Variants in RBFOX1 observed in about 807,000 individuals in gnomAD.
The protein encoded by RBFOX1 is RNA binding fox-1 homolog 1.
In RBFOX1, 8 loss-of-function variants were observed where a neutral mutation model predicts 57.7. The observed-to-expected ratio is 0.14, with a 90% CI of 0.08 to 0.25. The LOEUF (loss-of-function observed/expected upper bound fraction) is 0.25, where lower values mean the gene tolerates loss of function less well. RBFOX1 is among the 10% of genes least tolerant of loss of function. The pLI is 1.00. For missense variants in RBFOX1, 611 were observed against 548.5 expected, an observed-to-expected ratio of 1.11 and a Z score of -1.14; for synonymous variants, 326 against 222.4, an observed-to-expected ratio of 1.47 and a Z score of -4.15.
chr16:6,903,582 T>C (rs1207322774), intron 3 of RBFOX1, among the ~76,000 whole-genome samples: 1 of 152,178 alleles, frequency 6.6e-6, no homozygotes, highest in African/African-American at 2.4e-5. Context: ...CAATCACTTA[T>C]CCCAGAAACT....
At chr16:7,162,074 GCTC>G (rs2078442567) in intron 4 of RBFOX1, among the ~76,000 whole-genome samples, 1 of 152,168 alleles carries the variant, frequency 6.6e-6, no homozygotes, top group Non-Finnish European at 1.5e-5. Flanking sequence ...GCTGCAGCCA[GCTC>G]CTCACAAGGG....
chr16:6,277,416 C>A (rs116081102), intron 1 of RBFOX1, among the ~76,000 whole-genome samples: 1 of 139,942 alleles, frequency 7.1e-6, no homozygotes, highest in African/African-American at 2.7e-5. Flanking sequence ...GTGATCGCAG[C>A]GCTGCACCCC....
In RBFOX1 at chr16:7,211,266, C is replaced by A. The variant is rs140838360; in HGVS notation, c.27+159168C>A. Among the ~76,000 whole-genome samples, 920 of 151,600 alleles carry A rather than the reference C, an allele frequency of 6.1e-3. 5 individuals are homozygous for A. Among genetic ancestry groups the A allele is most frequent in the South Asian group, 0.024 (114 of 4,760 alleles). Reference sequence around the variant, plus strand: ...AATTAGCCAGGTGTGGTGGTGGGCCCCTGTAGTCCCAGCTTCTCGGGAGGC... The same window carrying A: ...AATTAGCCAGGTGTGGTGGTGGGCCACTGTAGTCCCAGCTTCTCGGGAGGC... On this transcript the variant is annotated intron_variant, in intron 4 of 15. Coordinates refer to ENST00000550418, the MANE Select transcript of RBFOX1 (RefSeq NM_018723.4).
chr16:6,528,127 C>G (rs1232095159), intron 2 of RBFOX1, among the ~76,000 whole-genome samples: 1 of 152,138 alleles, frequency 6.6e-6, no homozygotes, highest in Admixed American at 6.5e-5. Context: ...GAATCCTTCC[C>G]TTTCTTTTAC....
At chr16:7,183,848 C>T (rs533305344) in intron 4 of RBFOX1, among the ~76,000 whole-genome samples, 6 of 152,202 alleles carry the variant, frequency 3.9e-5, no homozygotes, top group Non-Finnish European at 7.3e-5. Flanking sequence ...AGGTACCATT[C>T]GTATCAGGTC....
At chr16:6,596,569 G>A (rs375881099) in intron 2 of RBFOX1, among the ~76,000 whole-genome samples, 1 of 143,246 alleles carries the variant, frequency 7.0e-6, no homozygotes, top group Admixed American at 6.7e-5. Flanking sequence ...TAGGATAAGA[G>A]ATGGGTAATT....
At chr16:5,993,901 G>C (rs2060448580) in intron 4 of RBFOX1, among the ~76,000 whole-genome samples, 1 of 152,134 alleles carries the variant, frequency 6.6e-6, no homozygotes, top group African/African-American at 2.4e-5. Flanking sequence ...TAGTGAAGCA[G>C]GTCCCGCTGG....
intron 4 of RBFOX1, among the ~76,000 whole-genome samples, chr16:7,505,625 G>T (rs183587930): frequency 9.1e-4 from 138 of 152,272 alleles, no homozygotes; most frequent in African/African-American, 3.3e-3. Context: ...ACTCCAAATG[G>T]AAAATCAGGA....
At chr16:7,342,832 G>C (rs1399063953) in intron 4 of RBFOX1, among the ~76,000 whole-genome samples, 1 of 152,154 alleles carries the variant, frequency 6.6e-6, no homozygotes, top group Non-Finnish European at 1.5e-5. Flanking sequence ...AGCCTGCATA[G>C]TTGGAATGAC....
rs1233238431 is a variant in RBFOX1 at position 7,510,816 on chromosome 16, T to TG, written c.28-7325dup. 3.9e-5 allele frequency among the ~76,000 whole-genome samples: 6 copies of TG among 152,206 alleles called. No homozygotes were observed. In the East Asian group the frequency reaches 7.8e-4, roughly 20 times the overall value. ...TTTTCCTCCAGTGAGTCCATGCTGG[T>TG]GGGGGGTCCCACTGCAGGAGCCGCT... On this transcript the variant is annotated intron_variant, in intron 4 of 15. Coordinates refer to ENST00000550418, the MANE Select transcript of RBFOX1 (RefSeq NM_018723.4).
intron 4 of RBFOX1, among the ~76,000 whole-genome samples, chr16:7,318,264 T>C (rs982803686): frequency 1.3e-5 from 2 of 151,252 alleles, no homozygotes; most frequent in Non-Finnish European, 3.0e-5. Flanking sequence ...GCAGTGATGG[T>C]GGATGGTAGT....
rs185254364 is a variant in RBFOX1, at chr16:5,917,271, C to T, written c.351+49936C>T. On this transcript the variant is annotated intron_variant, in intron 4 of 19. Coordinates refer to the RBFOX1 transcript ENST00000641259. Reference sequence around the variant, plus strand: ...GTGTTTTAAAACATGCCCATGGAAGCGTGATAATATTGATAATAACATAAT... The same window carrying T: ...GTGTTTTAAAACATGCCCATGGAAGTGTGATAATATTGATAATAACATAAT... 2.0e-4 allele frequency among the ~76,000 whole-genome samples: 31 copies of T among 152,176 alleles called. 1 individual carries two copies. In the East Asian group the frequency reaches 4.1e-3, roughly 20 times the overall value.
chr16:7,031,148 G>C (rs2042688682), intron 3 of RBFOX1, among the ~76,000 whole-genome samples: 1 of 152,132 alleles, frequency 6.6e-6, no homozygotes, highest in Non-Finnish European at 1.5e-5. Flanking sequence ...CAGGATAGTG[G>C]CTACAGCTTT....
At chr16:6,844,253 T>A (rs146116945) in intron 3 of RBFOX1, among the ~76,000 whole-genome samples, 13 of 152,266 alleles carry the variant, frequency 8.5e-5, no homozygotes, top group African/African-American at 1.2e-4. Flanking sequence ...ATTTGTTACA[T>A]AGGTAAATAG....
chr16:5,966,286 A>G (rs1256605692), intron 4 of RBFOX1, among the ~76,000 whole-genome samples: 3 of 152,084 alleles, frequency 2.0e-5, no homozygotes, highest in Non-Finnish European at 4.4e-5. Flanking sequence ...AGTAGAAGTG[A>G]AGGTTTCATT....
intron 1 of RBFOX1, among the ~76,000 whole-genome samples, chr16:6,129,734 C>A (rs2096616370): frequency 7.3e-6 from 1 of 137,552 alleles, no homozygotes; most frequent in African/African-American, 2.8e-5. Flanking sequence ...ACTCAGACAT[C>A]AGTCATATTG....
chr16:6,222,701 T>TATTATC (rs1555561293), intron 1 of RBFOX1, among the ~76,000 whole-genome samples: 4 of 149,038 alleles, frequency 2.7e-5, no homozygotes, highest in Non-Finnish European at 5.9e-5. Context: ...TTATTATTAT[T>TATTATC]ATTATTATTA....
intron 6 of RBFOX1, among the ~76,000 whole-genome samples, chr16:7,583,892 C>G (rs992700682): frequency 2.1e-5 from 3 of 144,452 alleles, no homozygotes; most frequent in African/African-American, 7.3e-5. Flanking sequence ...CACTAAACCT[C>G]TCTTTATTGT....
chr16:7,282,781 C>T (rs751987762), intron 4 of RBFOX1, among the ~76,000 whole-genome samples: 10 of 152,172 alleles, frequency 6.6e-5, no homozygotes, highest in Non-Finnish European at 1.5e-4. Context: ...CATTCTTATG[C>T]CTTTGCATTC....
Sources: gnomAD v4.1 joint callset for allele counts (sites outside exome capture counted in the v4.1 genomes callset) on GRCh38, gnomAD v4.1.1 for gene constraint, MANE v1.5 for transcripts, NCBI Gene and HGNC (gene_info 2026-07-23, HGNC 2026-07-21) for gene names.